AKAP19: variants seen among roughly 807,000 people sequenced by gnomAD.
AKAP19 encodes the protein A-kinase anchoring protein 19.
the AKAP19 span, among the ~76,000 whole-genome samples, chr2:190,153,379 T>C: frequency 1.3e-5 from 2 of 152,194 alleles, no homozygotes; most frequent in African/African-American, 4.8e-5. Flanking sequence ...TTTCCCAATT[T>C]TTATACCTCT....
At chr2:190,014,083 G>C in the AKAP19 span, among the ~76,000 whole-genome samples, 2 of 152,150 alleles carry the variant, frequency 1.3e-5, no homozygotes, top group East Asian at 3.9e-4. Context: ...TCTTAGAACT[G>C]CTTTTCCTAC....
At chr2:190,043,514 T>C in the AKAP19 span, among the ~76,000 whole-genome samples, 1 of 152,222 alleles carries the variant, frequency 6.6e-6, no homozygotes, top group Non-Finnish European at 1.5e-5. Flanking sequence ...TGTGAAAATC[T>C]TATATTGTGT....
chr2:190,094,061 T>C, the AKAP19 span, among the ~76,000 whole-genome samples: 1 of 152,216 alleles, frequency 6.6e-6, no homozygotes, highest in Non-Finnish European at 1.5e-5. Flanking sequence ...CAAGAGTGTT[T>C]ATCCTCTCCA....
the AKAP19 span, among the ~76,000 whole-genome samples, chr2:190,086,759 A>T: frequency 6.6e-6 from 1 of 152,282 alleles, no homozygotes; most frequent in South Asian, 2.1e-4. Flanking sequence ...ATATGAAAGG[A>T]GTTGCTCAGA....
At chr2:189,884,546 C>T in the AKAP19 span, among the ~76,000 whole-genome samples, 1 of 151,954 alleles carries the variant, frequency 6.6e-6, no homozygotes, top group Non-Finnish European at 1.5e-5. Flanking sequence ...GATTCCCAGC[C>T]ACACACACAC....
chr2:190,199,123 G>A, the AKAP19 span, among the ~76,000 whole-genome samples: 104 of 152,298 alleles, frequency 6.8e-4, no homozygotes, highest in African/African-American at 2.4e-3. Context: ...TCTAACAGTA[G>A]TCCAAGATCT....
chr2:190,148,907 G>C, the AKAP19 span, among the ~76,000 whole-genome samples: 1 of 149,486 alleles, frequency 6.7e-6, no homozygotes, highest in East Asian at 1.9e-4. Flanking sequence ...TTCTTTTCTT[G>C]GTTAATTTTG....
At chr2:189,971,808 A>T in the AKAP19 span, among the ~76,000 whole-genome samples, 5 of 143,890 alleles carry the variant, frequency 3.5e-5, no homozygotes, top group Admixed American at 7.2e-5. Context: ...CATATCCTTC[A>T]CCCACTTTTT....
chr2:190,113,614 G>A, the AKAP19 span, among the ~76,000 whole-genome samples: 1 of 152,134 alleles, frequency 6.6e-6, no homozygotes, highest in Non-Finnish European at 1.5e-5. Context: ...AAGTGCAGAG[G>A]AATTAAAACC....
chr2:189,950,351 T>C, the AKAP19 span, among the ~76,000 whole-genome samples: 2 of 150,832 alleles, frequency 1.3e-5, no homozygotes, highest in East Asian at 3.9e-4. Flanking sequence ...TTTTTTGTTT[T>C]TTTTTTTAAG....
the AKAP19 span, among the ~76,000 whole-genome samples, chr2:190,166,725 A>G: frequency 6.6e-6 from 1 of 152,292 alleles, no homozygotes; most frequent in African/African-American, 2.4e-5. Flanking sequence ...CATAAAAAAT[A>G]TCTTAGAAAA....
At chr2:190,029,945 A>G in the AKAP19 span, among the ~76,000 whole-genome samples, 10 of 152,256 alleles carry the variant, frequency 6.6e-5, no homozygotes, top group Admixed American at 6.5e-4. Context: ...TCATTACTTT[A>G]TATTTTTCTG....
chr2:190,161,097 A>G, the AKAP19 span, among the ~76,000 whole-genome samples: 2 of 152,140 alleles, frequency 1.3e-5, no homozygotes, highest in Admixed American at 6.5e-5. Flanking sequence ...AGTTCTCTGG[A>G]TTATTAGACA....
the AKAP19 span, among the ~76,000 whole-genome samples, chr2:190,069,823 C>T: frequency 6.6e-6 from 1 of 152,118 alleles, no homozygotes; most frequent in African/African-American, 2.4e-5. Context: ...AAAGATGATG[C>T]TGTTTTTGCC....
the AKAP19 span, among the ~76,000 whole-genome samples, chr2:189,991,402 G>A: frequency 6.6e-6 from 1 of 152,134 alleles, no homozygotes; most frequent in Non-Finnish European, 1.5e-5. Context: ...GCAAGAGTAA[G>A]GTAGTATCTC....
At chr2:190,060,718 C>T in the AKAP19 span, among the ~76,000 whole-genome samples, 598 of 151,972 alleles carry the variant, frequency 3.9e-3, 7 homozygotes, top group African/African-American at 0.014. Context: ...AAGTAATGAA[C>T]GCTGAATGAA....
the AKAP19 span, among the ~76,000 whole-genome samples, chr2:190,195,809 T>C: frequency 6.6e-6 from 1 of 152,214 alleles, no homozygotes; most frequent in Admixed American, 6.5e-5. Flanking sequence ...TGGCACTGAA[T>C]CTAAAAGGTT....
chr2:190,038,937 CT>C, the AKAP19 span, among the ~76,000 whole-genome samples: 1 of 141,800 alleles, frequency 7.1e-6, no homozygotes, highest in African/African-American at 2.8e-5. Flanking sequence ...TCTTCTTCTT[CT>C]TCTTCTTCTT....
chr2:190,062,720 C>G, the AKAP19 span: 10 of 868,996 alleles, frequency 1.2e-5, no homozygotes, highest in East Asian at 2.7e-4. Context: ...CTTGCCACAC[C>G]AGTGAATCTT....
Sources: allele counts gnomAD v4.1 joint callset (sites outside exome capture counted in the v4.1 genomes callset), GRCh38; gene constraint gnomAD v4.1.1; transcripts MANE v1.5; gene names NCBI Gene and HGNC (gene_info 2026-07-23, HGNC 2026-07-21).